Variants in MAML3 observed in about 807,000 individuals in gnomAD.
The protein encoded by MAML3 is mastermind like transcriptional coactivator 3.
A neutral mutation model predicts 101.9 loss-of-function variants in MAML3; 27 were observed. That is an observed-to-expected ratio of 0.27 (90% CI 0.20 to 0.37). MAML3 has a LOEUF of 0.37. Among genes scored for constraint, MAML3 ranks in the 10% least tolerant of loss-of-function variants. MAML3 has a pLI of 1.00. For synonymous variants in MAML3, 501 were observed against 555.9 expected, an observed-to-expected ratio of 0.90 and a Z score of 1.39; for missense variants, 1,316 against 1,444.9, an observed-to-expected ratio of 0.91 and a Z score of 1.45.
At chr4:139,959,527 A>AAAAC (rs879276473) in intron 1 of MAML3, among the ~76,000 whole-genome samples, 25 of 152,360 alleles carry the variant, frequency 1.6e-4, no homozygotes, top group Admixed American at 6.5e-4. Flanking sequence ...ATGGAATTAA[A>AAAAC]AAACAAACAA....
At chr4:139,850,636 C>T (rs1373225441) in intron 2 of MAML3, among the ~76,000 whole-genome samples, 2 of 136,002 alleles carry the variant, frequency 1.5e-5, no homozygotes, top group Admixed American at 7.4e-5. Context: ...CGGACTTAAA[C>T]GACCCTCGAT....
In MAML3 at chr4:139,785,822, A is replaced by G. The variant is rs2111085003; in HGVS notation, c.2080-55155T>C. On this transcript the variant is annotated intron_variant, in intron 2 of 4. Coordinates refer to ENST00000509479, the MANE Select transcript of MAML3 (RefSeq NM_018717.5). The surrounding 1 kb of genome is among the most constrained non-coding windows in gnomAD (Gnocchi z 4.3). Reference sequence around the variant, plus strand: ...TGGTTTGGAAGCTTCTCATACACAGAGAAGGGGGCCTGGGAATTCTAATGA... The same window carrying G: ...TGGTTTGGAAGCTTCTCATACACAGGGAAGGGGGCCTGGGAATTCTAATGA... Among the ~76,000 whole-genome samples, 1 of 152,282 alleles carries G rather than the reference A, an allele frequency of 6.6e-6. No homozygotes were observed. Among genetic ancestry groups the G allele is most frequent in the South Asian group, 2.1e-4 (1 of 4,824 alleles).
intron 1 of MAML3, among the ~76,000 whole-genome samples, chr4:139,991,738 T>C (rs1005225670): frequency 2.0e-5 from 3 of 151,962 alleles, no homozygotes; most frequent in African/African-American, 7.3e-5. Context: ...TCTCAGAGCT[T>C]TGGGAGGCTG....
chr4:139,768,202 T>A lies in MAML3; in HGVS notation c.2080-37535A>T, dbSNP rs190731082. 5.3e-5 allele frequency among the ~76,000 whole-genome samples: 8 copies of A among 150,850 alleles called. No individual in the cohort carries two copies. The Admixed American group carries it at 5.3e-4, about 10-fold the overall frequency. On this transcript the variant is annotated intron_variant, in intron 2 of 4. Coordinates refer to ENST00000509479, the MANE Select transcript of MAML3 (RefSeq NM_018717.5). The stretch of plus-strand genomic sequence containing the variant: ...ATATTTTCTTCCATTCAGTAGGTTG[T>A]CTCTTTACTCTGTTGATAGTTGTGT...
rs10568513 is a variant in MAML3 at position 139,781,508 on chromosome 4, C to CATATATATAT, written c.2080-50851_2080-50842dup. Among the ~76,000 whole-genome samples the CATATATATAT allele has an allele frequency of 1.7e-3, 232 of 137,080 alleles. 3 individuals carry two copies. Among genetic ancestry groups the CATATATATAT allele is most frequent in the African/African-American group, 5.3e-3 (203 of 38,256 alleles). 89.9% of individuals were successfully genotyped at this position (137,080 alleles called of 152,430 possible). A position where few individuals can be genotyped will look rare whatever the true frequency, so the allele number is the denominator to read the frequency against. On this transcript the variant is annotated intron_variant, in intron 2 of 4. Coordinates refer to ENST00000509479, the MANE Select transcript of MAML3 (RefSeq NM_018717.5). ...TCTTCTAATGATCGCAGAGCATTTT[C>CATATATATAT]ATATATATATATATATATATATAGT...
At chr4:140,129,870 C>A (rs1248905251) in intron 1 of MAML3, among the ~76,000 whole-genome samples, 1 of 151,452 alleles carries the variant, frequency 6.6e-6, no homozygotes, top group Non-Finnish European at 1.5e-5. Context: ...GAGGCTGAGG[C>A]AGGAGAATCA....
chr4:140,092,978 G>C (rs983674366), intron 1 of MAML3, among the ~76,000 whole-genome samples: 5 of 152,202 alleles, frequency 3.3e-5, no homozygotes, highest in Non-Finnish European at 7.3e-5. Flanking sequence ...AGTAGAGGAA[G>C]TGGCAAGGAT....
intron 1 of MAML3, among the ~76,000 whole-genome samples, chr4:140,077,068 T>TC (rs1727780216): frequency 6.6e-6 from 1 of 151,920 alleles, no homozygotes. Flanking sequence ...TTTTTGTATT[T>TC]TTGGGGTTTC....
chr4:139,777,500 C>G (rs1445893030), intron 2 of MAML3, among the ~76,000 whole-genome samples: 1 of 152,174 alleles, frequency 6.6e-6, no homozygotes, highest in Non-Finnish European at 1.5e-5. Context: ...CTCCTTCAAT[C>G]CATTCTCCAG....
At chr4:140,072,912 G>A (rs1727689061) in intron 1 of MAML3, among the ~76,000 whole-genome samples, 1 of 152,090 alleles carries the variant, frequency 6.6e-6, no homozygotes, top group Non-Finnish European at 1.5e-5. Context: ...GGCTAACACA[G>A]AAGATGTAAA....
intron 1 of MAML3, among the ~76,000 whole-genome samples, chr4:139,914,636 G>A (rs1181918350): frequency 2.6e-5 from 4 of 152,176 alleles, no homozygotes; most frequent in African/African-American, 9.7e-5. Flanking sequence ...TAACCCAGAT[G>A]TACCAAACCC....
chr4:139,935,213 C>CT (rs576839308), intron 1 of MAML3, among the ~76,000 whole-genome samples: 4,093 of 130,874 alleles, frequency 0.031, 192 homozygotes, highest in African/African-American at 0.092. Flanking sequence ...CAAGACACCT[C>CT]TTTTTTTTTT....
Position 140,153,252 on chromosome 4 carries a change from G to GGCT in MAML3, c.73_75dup (p.Ser25dup), listed in dbSNP as rs1195090646. On this transcript the variant is annotated inframe_insertion, in exon 1 of 5. Transcript: ENST00000509479. ...TTCACACCGATCCCGGCCCCGCCGA[G>GGCT]GCTGCTGTTCAGGCTACTGTTGATG... is the stretch of plus-strand genomic sequence containing the variant. 6.2e-6 allele frequency: 10 copies of GGCT among 1,605,488 alleles called. No individual in the cohort carries two copies. The highest frequency in any genetic ancestry group is 8.5e-6 in the Non-Finnish European group (10 of 1,176,124).
intron 2 of MAML3, among the ~76,000 whole-genome samples, chr4:139,814,631 T>C (rs568499962): frequency 2.0e-5 from 3 of 152,306 alleles, no homozygotes; most frequent in South Asian, 2.1e-4. Context: ...CAGATACTTT[T>C]TGGTACAGCT....
intron 1 of MAML3, among the ~76,000 whole-genome samples, chr4:140,125,569 T>G (rs1401938078): frequency 6.6e-6 from 1 of 152,218 alleles, no homozygotes; most frequent in Non-Finnish European, 1.5e-5. Flanking sequence ...CAAGGCAAAC[T>G]GACTGACCAC....
chr4:140,079,507 T>C (rs1727831413), intron 1 of MAML3, among the ~76,000 whole-genome samples: 1 of 152,108 alleles, frequency 6.6e-6, no homozygotes, highest in South Asian at 2.1e-4. Flanking sequence ...TTGGCCAGGA[T>C]GGTCTCAAAC....
chr4:139,915,730 G>A (rs1446260470), intron 1 of MAML3, among the ~76,000 whole-genome samples: 13 of 152,102 alleles, frequency 8.5e-5, no homozygotes, highest in Admixed American at 8.5e-4. Flanking sequence ...CTATAACATG[G>A]CACCTTATAT....
chr4:139,769,459 T>C (rs904516418), intron 2 of MAML3, among the ~76,000 whole-genome samples: 2 of 152,184 alleles, frequency 1.3e-5, no homozygotes, highest in Admixed American at 1.3e-4. Context: ...TAGTTGACCA[T>C]GATGAGCCTT....
chr4:139,907,722 T>C (rs1471956853), intron 1 of MAML3, among the ~76,000 whole-genome samples: 1 of 152,202 alleles, frequency 6.6e-6, no homozygotes, highest in African/African-American at 2.4e-5. Context: ...ATTTTCCTCC[T>C]GTCTATTGGA....
Sources: gnomAD v4.1 joint callset for allele counts (sites outside exome capture counted in the v4.1 genomes callset) on GRCh38, gnomAD v4.1.1 for gene constraint, Gnocchi (gnomAD v3.1) non-coding constraint, MANE v1.5 for transcripts, NCBI Gene and HGNC (gene_info 2026-07-23, HGNC 2026-07-21) for gene names.